EPHA3: variants seen among roughly 807,000 people sequenced by gnomAD.
EPHA3 encodes the protein EPH receptor A3.
In EPHA3, 42 loss-of-function variants were observed where a neutral mutation model predicts 107.1. That is an observed-to-expected ratio of 0.39 (90% CI 0.31 to 0.51). EPHA3 has a LOEUF of 0.51. Ranked by LOEUF, EPHA3 falls within the 20% of genes least tolerant of loss-of-function variation. The probability of loss-of-function intolerance (pLI) is 0.78; values close to 1 mark genes in which losing one functional copy is unlikely to be tolerated. For missense variants in EPHA3, 1,183 were observed against 1,211.2 expected (o/e 0.98, Z 0.35); for synonymous variants, 461 against 424.8 (o/e 1.09, Z -1.05).
intron 3 of EPHA3, among the ~76,000 whole-genome samples, chr3:89,287,905 C>T (rs2107324105): frequency 6.6e-6 from 1 of 152,190 alleles, no homozygotes; most frequent in Non-Finnish European, 1.5e-5. Flanking sequence ...AACACATCAA[C>T]TGTCCATCTT....
intron 2 of EPHA3, among the ~76,000 whole-genome samples, chr3:89,152,186 G>A (rs975474256): frequency 3.3e-5 from 5 of 151,988 alleles, no homozygotes; most frequent in Admixed American, 2.0e-4. Context: ...ATATCCATGT[G>A]TTCTCTTCTT....
chr3:89,328,154 T>G (rs1056544418), intron 3 of EPHA3, among the ~76,000 whole-genome samples: 1 of 151,938 alleles, frequency 6.6e-6, no homozygotes, highest in African/African-American at 2.4e-5. Context: ...GCAATCTCAC[T>G]TTATTACTTT....
chr3:89,450,055 A>C lies in EPHA3; in HGVS notation c.2497-122A>C, dbSNP rs1398553653. 8 of 729,986 alleles carry C rather than the reference A, an allele frequency of 1.1e-5. No homozygotes were observed. In the African/African-American group the frequency reaches 1.3e-4, roughly 11 times the overall value. 45.2% of individuals were successfully genotyped at this position (729,986 alleles called of 1,614,324 possible). ...TTGTTATCCTTTTAGGCAACTAAAA[A>C]TGAGAAGTTTTCCCACTTACCTTTA... is the stretch of plus-strand genomic sequence containing the variant. On this transcript the variant is annotated intron_variant, in intron 14 of 16. Transcript: ENST00000336596.
chr3:89,263,289 C>T (rs187455728), intron 3 of EPHA3, among the ~76,000 whole-genome samples: 2 of 152,220 alleles, frequency 1.3e-5, no homozygotes, highest in African/African-American at 2.4e-5. Flanking sequence ...TTTCGCTCTG[C>T]TGTCTGCGGA....
chr3:89,215,481 C>A (rs568274298), intron 3 of EPHA3, among the ~76,000 whole-genome samples: 1 of 151,952 alleles, frequency 6.6e-6, no homozygotes, highest in African/African-American at 2.4e-5. Context: ...AATGTGAATT[C>A]TTTGTTCTGT....
At chr3:89,374,033 T>C (rs1708354704) in intron 5 of EPHA3, among the ~76,000 whole-genome samples, 1 of 151,718 alleles carries the variant, frequency 6.6e-6, no homozygotes, top group African/African-American at 2.4e-5. Flanking sequence ...AAAAATGAGT[T>C]TCCGAACTAA....
At chr3:89,161,355 G>A (rs1704937416) in intron 2 of EPHA3, among the ~76,000 whole-genome samples, 1 of 152,092 alleles carries the variant, frequency 6.6e-6, no homozygotes, top group Non-Finnish European at 1.5e-5. Flanking sequence ...AATAGTATTA[G>A]TTATGTGGTT....
intron 3 of EPHA3, among the ~76,000 whole-genome samples, chr3:89,339,126 AC>A (rs1707458276): frequency 6.6e-6 from 1 of 152,056 alleles, no homozygotes; most frequent in South Asian, 2.1e-4. Context: ...TAATCCCAGG[AC>A]TTTGGGAGGC....
chr3:89,300,806 G>A (rs1706467752), intron 3 of EPHA3, among the ~76,000 whole-genome samples: 1 of 151,950 alleles, frequency 6.6e-6, no homozygotes, highest in South Asian at 2.1e-4. Context: ...TTTTAAAAAG[G>A]GAACCTCTCA....
At chr3:89,447,088 G>A (rs1332640513) in intron 13 of EPHA3, among the ~76,000 whole-genome samples, 2 of 152,072 alleles carry the variant, frequency 1.3e-5, no homozygotes, top group Non-Finnish European at 2.9e-5. Flanking sequence ...CGATGTCAAG[G>A]GGTAGTATTT....
intron 3 of EPHA3, among the ~76,000 whole-genome samples, chr3:89,234,967 C>T (rs1211248349): frequency 2.1e-5 from 3 of 142,268 alleles, no homozygotes; most frequent in Non-Finnish European, 3.1e-5. Context: ...TTCCCTTCCT[C>T]CTTCCTTCCT....
intron 3 of EPHA3, among the ~76,000 whole-genome samples, chr3:89,260,578 G>A (rs533818203): frequency 1.3e-5 from 2 of 151,800 alleles, no homozygotes; most frequent in Non-Finnish European, 2.9e-5. Context: ...ATAAATTTTG[G>A]ATATTAACCC....
intron 2 of EPHA3, among the ~76,000 whole-genome samples, chr3:89,149,442 G>T (rs898738852): frequency 2.6e-5 from 4 of 151,820 alleles, no homozygotes; most frequent in African/African-American, 9.7e-5. Context: ...TCAAGTGCTT[G>T]GTGTATATTA....
chr3:89,134,829 A>G (rs1704279626), intron 2 of EPHA3, among the ~76,000 whole-genome samples: 1 of 152,198 alleles, frequency 6.6e-6, no homozygotes, highest in Admixed American at 6.5e-5. Flanking sequence ...ATCCATTTTC[A>G]ACATCAGTAA....
intron 16 of EPHA3, among the ~76,000 whole-genome samples, chr3:89,478,736 G>C (rs1260270587): frequency 6.6e-6 from 1 of 152,176 alleles, no homozygotes; most frequent in Admixed American, 6.5e-5. Flanking sequence ...AGCTGAAGCA[G>C]TCCCCAGATT....
intron 15 of EPHA3, among the ~76,000 whole-genome samples, chr3:89,457,830 A>T (rs1710129649): frequency 6.6e-6 from 1 of 152,230 alleles, no homozygotes; most frequent in African/African-American, 2.4e-5. Context: ...TAAGAAAAGG[A>T]TCTGCTATGC....
intron 3 of EPHA3, among the ~76,000 whole-genome samples, chr3:89,276,083 G>A (rs1705798575): frequency 6.6e-6 from 1 of 151,998 alleles, no homozygotes; most frequent in Non-Finnish European, 1.5e-5. Flanking sequence ...AAATGGCTGT[G>A]CTTGCATTTT....
chr3:89,199,433 A>T (rs1705916724), intron 2 of EPHA3, among the ~76,000 whole-genome samples: 1 of 152,172 alleles, frequency 6.6e-6, no homozygotes, highest in Admixed American at 6.5e-5. Flanking sequence ...AAGAAAGAAA[A>T]TTCAAATAGC....
chr3:89,441,889 C>T lies in EPHA3; in HGVS notation c.2347-7336C>T, dbSNP rs116635254. ...AGTGTGACTCAGTTAAAATTTATTGCCCCAGCTTCTTCTTTTAACCATATT... is the reference window on the plus strand; with the variant it reads ...AGTGTGACTCAGTTAAAATTTATTGTCCCAGCTTCTTCTTTTAACCATATT... On this transcript the variant is annotated intron_variant, in intron 13 of 16. Transcript: ENST00000336596. Among the ~76,000 whole-genome samples, 611 of 152,138 alleles carry T rather than the reference C, an allele frequency of 4.0e-3. 2 individuals carry two copies. The highest frequency in any genetic ancestry group is 5.5e-3 in the Non-Finnish European group (377 of 67,968).
Sources: allele counts gnomAD v4.1 joint callset (sites outside exome capture counted in the v4.1 genomes callset), GRCh38; gene constraint gnomAD v4.1.1; transcripts MANE v1.5; gene names NCBI Gene and HGNC (gene_info 2026-07-23, HGNC 2026-07-21).